Variants in THAP4 observed in about 807,000 individuals in gnomAD.
The protein encoded by THAP4 is peroxynitrite isomerase THAP4.
THAP4 carries 18 observed loss-of-function variants against 48.1 expected under a neutral mutation model. The ratio of observed to expected loss-of-function variants is 0.37; its 90% CI spans 0.26 to 0.56. The LOEUF (loss-of-function observed/expected upper bound fraction) is 0.56, where lower values mean the gene tolerates loss of function less well. THAP4 is among the 20% of genes least tolerant of loss of function. THAP4 has a pLI of 0.78. For missense variants in THAP4, 656 were observed against 774.9 expected (o/e 0.85, Z 1.82); for synonymous variants, 345 against 324.9 (o/e 1.06, Z -0.66).
chr2:241,636,483 G>T (rs958912299), intron 1 of THAP4, among the ~76,000 whole-genome samples: 4 of 152,204 alleles, frequency 2.6e-5, no homozygotes, highest in African/African-American at 9.6e-5. Context: ...CTCTCCGCGC[G>T]TACCCGCGTC....
chr2:241,593,385 C>T (rs1020344078), intron 5 of THAP4, among the ~76,000 whole-genome samples: 1 of 152,248 alleles, frequency 6.6e-6, no homozygotes. Context: ...TCTCCTGCAA[C>T]AGCCCCCGAC....
At chr2:241,603,319 C>G (rs1360343858) in intron 3 of THAP4, among the ~76,000 whole-genome samples, 1 of 151,042 alleles carries the variant, frequency 6.6e-6, no homozygotes, top group African/African-American at 2.4e-5. Context: ...CCCTCCACCA[C>G]CTTGCTCATT....
rs2125085301 is a variant in THAP4, at chr2:241,612,789, CGTAGA to C, written c.1241-6321_1241-6317del. On this transcript the variant is annotated intron_variant, in intron 2 of 5. Transcript: ENST00000407315. The surrounding 1 kb of genome is among the most constrained non-coding windows in gnomAD (Gnocchi z 4.1). ...TGTGGCAGAAGACGCTAGAGTCACA[CGTAGA>C]AGGCGCATGAGGAGGGAAGGTGAGT... Among the ~76,000 whole-genome samples, 1 of 152,236 alleles carries C rather than the reference CGTAGA, an allele frequency of 6.6e-6. No homozygotes were observed. Among genetic ancestry groups the C allele is most frequent in the South Asian group, 2.1e-4 (1 of 4,804 alleles).
chr2:241,606,357 C>T lies in THAP4; in HGVS notation c.1357G>A (p.Glu453Lys). ...TGGCCCACGTGGGAGATGTGAACCT[C>T]CTCCAGGTACTGGAAGGGCTGCAGT... ...PTLQPFQYLE[E>K]VHISHVGQPM... The change falls in exon 3 of 6, where the codon GAG becomes AAG. Residue 453 changes from glutamate to lysine, a missense_variant. Around this residue, in one of 4 missense-constraint regions of THAP4, gnomAD observed 176 missense variants for 256.7 expected, o/e 0.69. Coordinates refer to ENST00000407315, the MANE Select transcript of THAP4 (RefSeq NM_015963.6). 1.3e-6 allele frequency: 2 copies of T among 1,574,830 alleles called. No homozygotes were observed. The highest frequency in any genetic ancestry group is 1.7e-6 in the Non-Finnish European group (2 of 1,160,070).
At position 241,601,696 on chromosome 2, in the gene THAP4, T is replaced by C. The variant is rs1360065920; in HGVS notation, c.1614+200A>G. ...ACAAACCTCAAAAAAACCACACCACTGACCAGCCGAGGAGGGGGCAATGAA... is the reference window on the plus strand; with the variant it reads ...ACAAACCTCAAAAAAACCACACCACCGACCAGCCGAGGAGGGGGCAATGAA... On this transcript the variant is annotated intron_variant, in intron 5 of 5. Transcript: ENST00000407315. The surrounding 1 kb of genome is among the most constrained non-coding windows in gnomAD (Gnocchi z 4.0). 3 of 961,660 alleles carry C rather than the reference T, an allele frequency of 3.1e-6. No individual in the cohort carries two copies. Among genetic ancestry groups the C allele is most frequent in the East Asian group, 5.3e-5 (2 of 37,584 alleles). 59.6% of individuals were successfully genotyped at this position (961,660 alleles called of 1,614,324 possible).
chr2:241,624,016 C>T (rs2067465911), intron 2 of THAP4, among the ~76,000 whole-genome samples: 1 of 152,250 alleles, frequency 6.6e-6, no homozygotes, highest in South Asian at 2.1e-4. Context: ...AAGACTGCCC[C>T]CATCTGAGGA....
At chr2:241,618,862 G>T (rs753019426) in intron 2 of THAP4, among the ~76,000 whole-genome samples, 5 of 152,172 alleles carry the variant, frequency 3.3e-5, no homozygotes, top group Non-Finnish European at 5.9e-5. Context: ...GGGATGAGGA[G>T]GGGGAGGTGA....
intron 2 of THAP4, among the ~76,000 whole-genome samples, chr2:241,607,387 T>C (rs972813088): frequency 2.0e-5 from 3 of 151,742 alleles, no homozygotes; most frequent in African/African-American, 7.3e-5. Flanking sequence ...CTGCTCTTAC[T>C]CATTTTCTAA....
At chr2:241,603,616 C>A (rs989591118) in intron 3 of THAP4, among the ~76,000 whole-genome samples, 1 of 152,220 alleles carries the variant, frequency 6.6e-6, no homozygotes. Context: ...TTGCCCTGGG[C>A]CCGTTAGCCC....
intron 2 of THAP4, among the ~76,000 whole-genome samples, chr2:241,629,090 T>C (rs2067528307): frequency 6.6e-6 from 1 of 152,082 alleles, no homozygotes; most frequent in African/African-American, 2.4e-5. Flanking sequence ...TAAGATGACA[T>C]ACAGCCTCCA....
At chr2:241,632,320 G>A (rs542727492) in intron 2 of THAP4, among the ~76,000 whole-genome samples, 24 of 152,080 alleles carry the variant, frequency 1.6e-4, no homozygotes, top group African/African-American at 4.6e-4. Flanking sequence ...GGGTGGTCTC[G>A]AACTCCTGAC....
intron 2 of THAP4, among the ~76,000 whole-genome samples, chr2:241,628,736 C>CAA (rs11411349): frequency 1.8e-4 from 23 of 125,536 alleles, no homozygotes; most frequent in South Asian, 7.5e-4. Context: ...CCCATCTCTA[C>CAA]AAAAAAAAAA....
chr2:241,587,912 T>A (rs2066912076), intron 5 of THAP4, among the ~76,000 whole-genome samples: 1 of 148,928 alleles, frequency 6.7e-6, no homozygotes, highest in Admixed American at 6.8e-5. Flanking sequence ...AGAAACTCCA[T>A]CTCAAAAAAA....
At chr2:241,589,580 C>T (rs927956642) in intron 5 of THAP4, among the ~76,000 whole-genome samples, 1 of 152,108 alleles carries the variant, frequency 6.6e-6, no homozygotes, top group Non-Finnish European at 1.5e-5. Context: ...AAGGCCAACC[C>T]TTGGCGAGGC....
At position 241,604,580 on chromosome 2, in the gene THAP4, A is replaced by AT. The variant is rs779548030; in HGVS notation, c.1401-1502dup. Among the ~76,000 whole-genome samples the AT allele has an allele frequency of 1.5e-3, 226 of 150,178 alleles. 1 individual carries two copies. The highest frequency in any genetic ancestry group is 1.2e-3 in the Non-Finnish European group (79 of 67,414). On this transcript the variant is annotated intron_variant, in intron 3 of 5. Coordinates refer to ENST00000407315, the MANE Select transcript of THAP4 (RefSeq NM_015963.6). ...ACCCGGCTAATTTTTGTATTTTTGT[A>AT]TTTTTTTTTAGTAGAGACACAATTT...
chr2:241,591,263 G>T (rs1412393639), intron 5 of THAP4, among the ~76,000 whole-genome samples: 1 of 152,242 alleles, frequency 6.6e-6, no homozygotes, highest in African/African-American at 2.4e-5. Context: ...ACTCAGAGCT[G>T]CTCGGTCTAC....
chr2:241,597,981 A>C (rs1053167109), intron 5 of THAP4, among the ~76,000 whole-genome samples: 28 of 68,690 alleles, frequency 4.1e-4, no homozygotes, highest in Non-Finnish European at 5.8e-4. Flanking sequence ...ATGCAAACAA[A>C]AAAAAAAAAA....
intron 5 of THAP4, among the ~76,000 whole-genome samples, chr2:241,593,194 G>A (rs1310172516): frequency 2.6e-5 from 4 of 152,072 alleles, no homozygotes; most frequent in African/African-American, 4.8e-5. Flanking sequence ...GCAGTGAGCC[G>A]AGATCGCACT....
At chr2:241,596,128 TGGTCCAA>T (rs902905967) in intron 5 of THAP4, among the ~76,000 whole-genome samples, 5 of 151,932 alleles carry the variant, frequency 3.3e-5, no homozygotes, top group Admixed American at 6.6e-5. Context: ...TGGCTGGGGG[TGGTCCAA>T]GGGACCCCAG....
Sources: allele counts gnomAD v4.1 joint callset (sites outside exome capture counted in the v4.1 genomes callset), GRCh38; gene constraint gnomAD v4.1.1; regional missense constraint gnomAD v4.1.1; non-coding constraint Gnocchi (gnomAD v3.1); transcripts MANE v1.5; gene names NCBI Gene and HGNC (gene_info 2026-07-23, HGNC 2026-07-21).